The following ATAD3B variants were observed in gnomAD, a reference collection of about 807,000 sequenced individuals.
The protein encoded by ATAD3B is ATPase family AAA domain-containing protein 3B.
In ATAD3B, 59 loss-of-function variants were observed where a neutral mutation model predicts 70.2. That is an observed-to-expected ratio of 0.84 (90% CI 0.68 to 1.04). The LOEUF (loss-of-function observed/expected upper bound fraction) is 1.04, where lower values mean the gene tolerates loss of function less well. ATAD3B is among the 50% of genes least tolerant of loss of function. ATAD3B has a pLI of 0.00. For missense variants in ATAD3B, 961 were observed against 913.4 expected (o/e 1.05, Z -0.67); for synonymous variants, 423 against 388.6 (o/e 1.09, Z -1.04).
chr1:1,494,385 C>G (rs1206410567), intron 15 of ATAD3B, among the ~76,000 whole-genome samples: 1 of 151,644 alleles, frequency 6.6e-6, no homozygotes, highest in Non-Finnish European at 1.5e-5. Context: ...GGGCTCAAGA[C>G]CAAAAATGAT....
chr1:1,489,838 G>A, intron 13 of ATAD3B: 2 of 1,231,488 alleles, frequency 1.6e-6, no homozygotes, highest in South Asian at 3.0e-5. Flanking sequence ...CAAGGCTGGG[G>A]CCCTGCTGAG....
At chr1:1,482,338 G>A (rs776591056) in intron 6 of ATAD3B, 35 bp downstream of exon 6, 47 of 1,548,430 alleles carry the variant, frequency 3.0e-5, no homozygotes, top group Middle Eastern at 4.1e-4. Flanking sequence ...GGCCACAGAT[G>A]GAGCCCCGCA....
Position 1,485,110 on chromosome 1 carries a change from C to T in ATAD3B, c.845C>T (p.Pro282Leu), listed in dbSNP as rs749396117. 5.6e-6 allele frequency: 9 copies of T among 1,610,196 alleles called. No homozygotes were observed. Among genetic ancestry groups the T allele is most frequent in the Middle Eastern group, 2.1e-4 (1 of 4,824 alleles). Residue 282 changes from proline to leucine, a missense_variant, in exon 8 of 16, where the codon CCG (proline) becomes CTG (leucine). Pro to Leu is a moderately conservative substitution (Grantham distance 98). This residue lies in a region of ATAD3B where 349 missense variants were observed against 307.5 expected (regional missense o/e 1.14). Transcript: ENST00000673477. ...TTCATCGAGGCTCGGCTGGGGAAGCCGTCCCTAGTGAGGGAGACGTCCCGC... is the reference window on the plus strand; with the variant it reads ...TTCATCGAGGCTCGGCTGGGGAAGCTGTCCCTAGTGAGGGAGACGTCCCGC... ...GRFIEARLGK[P>L]SLVRETSRIT...
At chr1:1,481,955 GGT>G (rs1357837035) in intron 5 of ATAD3B, among the ~76,000 whole-genome samples, 181 bp from the exon 6 acceptor site, 10 of 139,330 alleles carry the variant, frequency 7.2e-5, no homozygotes, top group African/African-American at 2.8e-4. Context: ...GCCGGTCCGT[GGT>G]GCGGGCCTGT....
rs149286649 is a variant in ATAD3B at position 1,490,368 on chromosome 1, C to T, written c.1449C>T (p.Arg483=). Residue 483 remains arginine (R), a synonymous_variant, in exon 14 of 16, where the codon CGC becomes CGT. Coordinates refer to ENST00000673477, the MANE Select transcript of ATAD3B (RefSeq NM_031921.6). ...TGCCGCAGCAGGAGGAGCGGGAGCG[C>T]CTGGTGAGACTGCATTTTGACAACT... ...FDLPQQEERE[R]LVRLHFDNCV... is the part of the protein sequence containing the mutation. 11 of 1,613,350 alleles carry T rather than the reference C, an allele frequency of 6.8e-6. No individual in the cohort carries two copies. The African/African-American group carries it at 1.5e-4, about 22-fold the overall frequency.
intron 7 of ATAD3B, chr1:1,483,015 C>G (rs1018546563): frequency 2.2e-6 from 1 of 458,488 alleles, no homozygotes; most frequent in Non-Finnish European, 4.3e-6. Context: ...AAAAAATGGC[C>G]AGGCGGTAGT....
Position 1,482,281 on chromosome 1 carries a change from C to T in ATAD3B, c.658C>T (p.Gln220Ter). 2 of 1,609,552 alleles carry T rather than the reference C, an allele frequency of 1.2e-6. No individual in the cohort carries two copies. Among genetic ancestry groups the T allele is most frequent in the Non-Finnish European group, 1.7e-6 (2 of 1,179,098 alleles). ...QIRLKASEHRQTVLESIRTAG... is the reference protein window; with the variant it reads ...QIRLKASEHR Reference sequence around the variant, plus strand: ...CCGCCTGAAGGCGTCCGAGCACCGTCAGACCGTCTTGGAGTCCATCAGGTG... The same window carrying T: ...CCGCCTGAAGGCGTCCGAGCACCGTTAGACCGTCTTGGAGTCCATCAGGTG... Residue 220 changes from glutamine (Q) to a stop codon, truncating the protein, a stop_gained, in exon 6 of 16, where the codon CAG (glutamine) becomes TAG (stop). Coordinates refer to ENST00000673477, the MANE Select transcript of ATAD3B (RefSeq NM_031921.6). LOFTEE classifies it high-confidence loss of function.
intron 11 of ATAD3B, among the ~76,000 whole-genome samples, chr1:1,486,933 G>A (rs565735510): frequency 6.6e-6 from 1 of 151,092 alleles, no homozygotes; most frequent in African/African-American, 2.4e-5. Context: ...CAGGGGGAGA[G>A]GGGTCTTCAC....
chr1:1,487,779 G>T, intron 11 of ATAD3B, 84 bp from the exon 12 acceptor site: 1 of 1,530,848 alleles, frequency 6.5e-7, no homozygotes. Context: ...CTGCCTGCCT[G>T]GCCTGCTCCT....
intron 7 of ATAD3B, 49 bp downstream of exon 7, chr1:1,482,663 G>A: frequency 6.2e-7 from 1 of 1,612,058 alleles, no homozygotes; most frequent in Non-Finnish European, 8.5e-7. Context: ...GAGGCAGCAT[G>A]TGGGGGCCTC....
the ATAD3B span, among the ~76,000 whole-genome samples, chr1:1,507,605 T>G: frequency 6.6e-6 from 1 of 152,192 alleles, no homozygotes; most frequent in African/African-American, 2.4e-5. Flanking sequence ...GGCATTTTGT[T>G]GAGGACTTTC....
chr1:1,480,945 T>G lies in ATAD3B; in HGVS notation c.514+9T>G. 1 of 1,590,640 alleles carries G rather than the reference T, an allele frequency of 6.3e-7. No homozygotes were observed. Among genetic ancestry groups the G allele is most frequent in the South Asian group, 1.1e-5 (1 of 89,488 alleles). On this transcript the variant is annotated intron_variant, in intron 5 of 15. Coordinates refer to ENST00000673477, the MANE Select transcript of ATAD3B (RefSeq NM_031921.6). ...GGAAGCCATGCGGCGAGGTAGGCTG[T>G]CTGCTCTCCTGGCTGGGGCGGAGGT...
At chr1:1,487,694 A>G (rs886239083) in intron 11 of ATAD3B, among the ~76,000 whole-genome samples, 169 bp from the exon 12 acceptor site, 4 of 151,862 alleles carry the variant, frequency 2.6e-5, no homozygotes, top group African/African-American at 9.7e-5. Flanking sequence ...AGCTGCCCAG[A>G]GGCCAGGCTG....
rs1484653824 is a variant in ATAD3B at position 1,496,744 on chromosome 1, G to A, written c.*927G>A. 2.1e-4 allele frequency: 31 copies of A among 148,954 alleles called. No homozygotes were observed. Among genetic ancestry groups the A allele is most frequent in the African/African-American group, 7.9e-4 (31 of 39,288 alleles). 9.2% of individuals were successfully genotyped at this position (148,954 alleles called of 1,614,324 possible). ...AGAGCGTGGTACCCACTGCCTGGCTGGGGCCTACTCTGGGACTGCAGCCCC... is the reference window on the plus strand; with the variant it reads ...AGAGCGTGGTACCCACTGCCTGGCTAGGGCCTACTCTGGGACTGCAGCCCC... On this transcript the variant is annotated 3_prime_UTR_variant, in exon 16 of 16. Coordinates refer to ENST00000673477, the MANE Select transcript of ATAD3B (RefSeq NM_031921.6).
intron 7 of ATAD3B, chr1:1,484,699 G>A (rs1050243347): frequency 1.4e-5 from 6 of 438,120 alleles, no homozygotes; most frequent in African/African-American, 1.0e-4. Flanking sequence ...GGCCAAGGAT[G>A]TACCAGAGGG....
chr1:1,490,191 C>G, intron 13 of ATAD3B, 66 bp from the exon 14 acceptor site: 1 of 1,576,350 alleles, frequency 6.3e-7, no homozygotes, highest in Non-Finnish European at 8.6e-7. Context: ...GCTGAGGAGC[C>G]CCCGTTGCCC....
chr1:1,502,984 G>C, the ATAD3B span, among the ~76,000 whole-genome samples: 1 of 150,966 alleles, frequency 6.6e-6, no homozygotes, highest in Non-Finnish European at 1.5e-5. Context: ...CAGCACTTTG[G>C]GAGGCCGAGG....
Position 1,490,583 on chromosome 1 carries a change from T to C in ATAD3B, c.1526T>C (p.Phe509Ser), listed in dbSNP as rs1478561985. ...EGKRRLKLAQ[F>S]DYGRKCSEVA... ...CCCAGGCGCCTGAAGCTGGCCCAGT[T>C]TGACTACGGGAGGAAGTGCTCGGAG... Residue 509 changes from phenylalanine to serine, a missense_variant, in exon 15 of 16, where the codon TTT becomes TCT. Around this residue, in one of 4 missense-constraint regions of ATAD3B, gnomAD observed 417 missense variants for 335.0 expected, o/e 1.24. Coordinates refer to ENST00000673477, the MANE Select transcript of ATAD3B (RefSeq NM_031921.6). 2 of 1,610,978 alleles carry C rather than the reference T, an allele frequency of 1.2e-6. No homozygotes were observed. Among genetic ancestry groups the C allele is most frequent in the Non-Finnish European group, 1.7e-6 (2 of 1,179,002 alleles).
rs137911966 is a variant in ATAD3B, at chr1:1,486,574, G to A, written c.1120G>A (p.Ala374Thr). 8,902 of 1,611,444 alleles carry A rather than the reference G, an allele frequency of 5.5e-3. 520 individuals carry two copies. In the African/African-American group the frequency reaches 0.11, roughly 19 times the overall value. ...CGCCCTGCACTCAGGCATGGACTAC[G>A]CCATCATGACAGGCGGGGACGTGGC... ...KLALHSGMDYAIMTGGDVAPM... is the reference protein window; with the variant it reads ...KLALHSGMDYTIMTGGDVAPM... The change falls in exon 11 of 16, where the codon GCC becomes ACC. Residue 374 changes from alanine to threonine, a missense_variant. By Grantham distance (58) the Ala-to-Thr change is moderately conservative. Around this residue, in one of 4 missense-constraint regions of ATAD3B, gnomAD observed 349 missense variants for 307.5 expected, o/e 1.14. Transcript: ENST00000673477.
Sources: gnomAD v4.1 joint callset for allele counts (sites outside exome capture counted in the v4.1 genomes callset) on GRCh38, gnomAD v4.1.1 for gene constraint, gnomAD v4.1.1 regional missense constraint, MANE v1.5 for transcripts, NCBI Gene and HGNC (gene_info 2026-07-23, HGNC 2026-07-21) for gene names.